Variants in EMC3 observed in about 807,000 individuals in gnomAD.
The protein encoded by EMC3 is 30 kDa protein.
A neutral mutation model predicts 36.6 loss-of-function variants in EMC3; 13 were observed. The observed-to-expected ratio is 0.35, with a 90% CI of 0.23 to 0.56. The LOEUF is 0.56. Among genes scored for constraint, EMC3 ranks in the 20% least tolerant of loss-of-function variants. The pLI, the probability that EMC3 is intolerant of heterozygous loss-of-function variation, is 0.84. For synonymous variants in EMC3, 120 were observed against 111.9 expected (o/e 1.07, Z -0.46); for missense variants, 220 against 324.5 (o/e 0.68, Z 2.47).
intron 1 of EMC3, chr3:10,000,544 G>A: frequency 3.8e-6 from 1 of 264,170 alleles, no homozygotes; most frequent in Non-Finnish European, 7.8e-6. Flanking sequence ...TGTCATTTAT[G>A]ATCTGATTTC....
At chr3:9,993,206 G>A (rs2086076606) in intron 1 of EMC3, among the ~76,000 whole-genome samples, 1 of 152,184 alleles carries the variant, frequency 6.6e-6, no homozygotes, top group South Asian at 2.1e-4. Context: ...CCTATTCTAA[G>A]TAGCTTATAA....
chr3:9,981,843 T>C (rs567657653), intron 1 of EMC3: 9 of 371,526 alleles, frequency 2.4e-5, no homozygotes, highest in African/African-American at 1.3e-4. Context: ...AGTAGTATAT[T>C]TGTCAAGTCT....
At chr3:9,972,882 G>C (rs2085802374) in intron 5 of EMC3, among the ~76,000 whole-genome samples, 1 of 149,070 alleles carries the variant, frequency 6.7e-6, no homozygotes, top group Non-Finnish European at 1.5e-5. Flanking sequence ...AGGCTGGAGT[G>C]CAGCAGCGCC....
chr3:10,000,025 G>A (rs1039891289), intron 1 of EMC3, among the ~76,000 whole-genome samples: 19 of 151,894 alleles, frequency 1.3e-4, no homozygotes, highest in African/African-American at 3.6e-4. Flanking sequence ...TTTTGTTGTT[G>A]TTGTTGTTTT....
At chr3:9,993,937 A>G (rs1348393835) in intron 1 of EMC3, among the ~76,000 whole-genome samples, 1 of 152,302 alleles carries the variant, frequency 6.6e-6, no homozygotes, top group African/African-American at 2.4e-5. Context: ...GGAATGTACT[A>G]TTAGGCTTAT....
intron 7 of EMC3, 120 bp downstream of exon 7, chr3:9,969,599 T>G (rs759538984): frequency 6.4e-7 from 1 of 1,551,320 alleles, no homozygotes; most frequent in Non-Finnish European, 8.7e-7. Context: ...ATGTTTTTAC[T>G]AAGTTTAAAT....
intron 1 of EMC3, among the ~76,000 whole-genome samples, chr3:9,999,391 G>C (rs1474806385): frequency 2.6e-5 from 4 of 151,940 alleles, no homozygotes; most frequent in Non-Finnish European, 5.9e-5. Context: ...ATGGGCCTGT[G>C]CCACAACGCC....
chr3:9,972,539 G>A (rs900527909), intron 5 of EMC3, among the ~76,000 whole-genome samples: 5 of 151,268 alleles, frequency 3.3e-5, no homozygotes, highest in Non-Finnish European at 7.4e-5. Context: ...GGGAGGCTGA[G>A]GCAGGTGGAT....
upstream of EMC3, chr3:9,988,444 A>G (rs938533038): frequency 2.9e-6 from 4 of 1,357,722 alleles, no homozygotes; most frequent in African/African-American, 4.3e-5. Flanking sequence ...CAGCTATTAG[A>G]TATGAGAAAA....
intron 1 of EMC3, among the ~76,000 whole-genome samples, chr3:9,993,341 A>T (rs563927034): frequency 9.8e-5 from 15 of 152,298 alleles, no homozygotes; most frequent in African/African-American, 3.6e-4. Context: ...TGGAAATGTA[A>T]ATTATTCAAA....
At position 9,969,735 on chromosome 3, in the gene EMC3, G is replaced by A; in HGVS notation, c.641C>T (p.Thr214Ile). The A allele has an allele frequency of 6.2e-7, 1 of 1,614,082 alleles. No homozygotes were observed. ...TGAAMAMPAD[T>I]NKAFKTEWEA... ...GGAGTATACCTTGAAAGCTTTGTTT[G>A]TGTCTGCGGGCATGGCCATGGCTGC... is the stretch of plus-strand genomic sequence containing the variant. Residue 214 changes from threonine to isoleucine, a missense_variant, in exon 7 of 8, where the codon ACA becomes ATA. Physicochemically the swap from Thr to Ile is moderately conservative, Grantham distance 89. This residue lies in a region of EMC3 where 56 missense variants were observed against 117.0 expected (regional missense o/e 0.48). Transcript: ENST00000245046.
At chr3:9,983,287 A>G (rs1264292300) in intron 1 of EMC3, among the ~76,000 whole-genome samples, 1 of 151,844 alleles carries the variant, frequency 6.6e-6, no homozygotes, top group Non-Finnish European at 1.5e-5. Context: ...AGCTGGGATT[A>G]CAGGCACATG....
intron 3 of EMC3, 73 bp from the exon 4 acceptor site, chr3:9,974,561 T>A: frequency 9.2e-7 from 1 of 1,090,656 alleles, no homozygotes; most frequent in Non-Finnish European, 1.4e-6. Flanking sequence ...TGATTTTCTG[T>A]AAACTGTTTT....
chr3:9,991,915 G>A (rs1323108151), intron 1 of EMC3, among the ~76,000 whole-genome samples: 2 of 152,146 alleles, frequency 1.3e-5, no homozygotes, highest in Non-Finnish European at 2.9e-5. Flanking sequence ...CCTAGATCCT[G>A]CGCATGTGCA....
chr3:10,007,061 TCTTTGCACAGAACGAGGG>T, intron 1 of EMC3: 1 of 305,684 alleles, frequency 3.3e-6, no homozygotes, highest in Non-Finnish European at 6.4e-6. Context: ...CTTTGCACCC[TCTTTGCACAGAACGAGGG>T]CTGTGCACAC....
intron 1 of EMC3, chr3:10,009,975 TC>T (rs2086306089): frequency 6.6e-6 from 1 of 152,420 alleles, no homozygotes; most frequent in African/African-American, 2.4e-5. Context: ...TGCTTCCCCA[TC>T]TTCTAAGGCC....
At chr3:10,002,159 T>C (rs1201546670) in intron 1 of EMC3, among the ~76,000 whole-genome samples, 1 of 152,190 alleles carries the variant, frequency 6.6e-6, no homozygotes, top group Non-Finnish European at 1.5e-5. Flanking sequence ...TTGATAAGGA[T>C]TGCATTGAAT....
In EMC3 at chr3:9,997,517, TG is replaced by T. The variant is rs2086141588; in HGVS notation, c.-241-10616del. ...CTCTGGCCCCCACGCTGGAGCGCAGTGGCACGATATCAGCTTACCGCAACCT... is the reference window on the plus strand; with the variant it reads ...CTCTGGCCCCCACGCTGGAGCGCAGTGCACGATATCAGCTTACCGCAACCT... On this transcript the variant is annotated intron_variant, in intron 1 of 8. Coordinates refer to the EMC3 transcript ENST00000470827. 5.3e-5 allele frequency among the ~76,000 whole-genome samples: 8 copies of T among 152,222 alleles called. No homozygotes were observed. In the South Asian group the frequency reaches 1.7e-3, roughly 31 times the overall value.
At chr3:9,983,002 G>A (rs2085928492) in intron 1 of EMC3, among the ~76,000 whole-genome samples, 1 of 152,102 alleles carries the variant, frequency 6.6e-6, no homozygotes, top group Non-Finnish European at 1.5e-5. Flanking sequence ...TGATGAGACT[G>A]AGCCACTCCA....
Sources: allele counts gnomAD v4.1 joint callset (sites outside exome capture counted in the v4.1 genomes callset), GRCh38; gene constraint gnomAD v4.1.1; regional missense constraint gnomAD v4.1.1; transcripts MANE v1.5; gene names NCBI Gene and HGNC (gene_info 2026-07-23, HGNC 2026-07-21).